DPP6: variants seen among roughly 807,000 people sequenced by gnomAD.
DPP6 encodes the protein dipeptidyl peptidase like 6.
Under a neutral mutation model 122.6 loss-of-function variants are expected in DPP6, and 69 were observed. The observed-to-expected ratio is 0.56, with a 90% CI of 0.46 to 0.69. DPP6 has a LOEUF of 0.69. DPP6 is among the 30% of genes least tolerant of loss of function. The probability of loss-of-function intolerance (pLI) is 0.00; values close to 1 mark genes in which losing one functional copy is unlikely to be tolerated. For synonymous variants in DPP6, 418 were observed against 433.1 expected, an observed-to-expected ratio of 0.97 and a Z score of 0.43; for missense variants, 928 against 1,116.9, an observed-to-expected ratio of 0.83 and a Z score of 2.41.
chr7:154,073,879 G>T (rs1373186461), intron 1 of DPP6, among the ~76,000 whole-genome samples: 1 of 151,484 alleles, frequency 6.6e-6, no homozygotes, highest in Non-Finnish European at 1.5e-5. Context: ...CCAGCTACTC[G>T]GGAGGCTGAG....
intron 1 of DPP6, among the ~76,000 whole-genome samples, chr7:154,085,363 C>G (rs1357547485): frequency 6.6e-6 from 1 of 152,182 alleles, no homozygotes; most frequent in Non-Finnish European, 1.5e-5. Flanking sequence ...CTCTTGTACT[C>G]AATTGGCCTT....
chr7:154,370,534 C>A (rs956641534), intron 1 of DPP6, among the ~76,000 whole-genome samples: 4 of 152,290 alleles, frequency 2.6e-5, no homozygotes, highest in African/African-American at 9.6e-5. Context: ...ATATTACAAT[C>A]TTTTCTAAAT....
intron 16 of DPP6, among the ~76,000 whole-genome samples, chr7:154,814,492 G>C (rs912999028): frequency 6.6e-6 from 1 of 152,140 alleles, no homozygotes; most frequent in African/African-American, 2.4e-5. Context: ...AGCTGTCTTA[G>C]ATGACTGGGG....
chr7:154,154,974 G>T (rs1443668486), intron 1 of DPP6, among the ~76,000 whole-genome samples: 1 of 152,146 alleles, frequency 6.6e-6, no homozygotes, highest in Non-Finnish European at 1.5e-5. Context: ...GAACCAAAAT[G>T]CTCAGGAGGT....
intron 1 of DPP6, among the ~76,000 whole-genome samples, chr7:154,014,003 G>C (rs927703874): frequency 6.6e-6 from 1 of 152,050 alleles, no homozygotes; most frequent in Non-Finnish European, 1.5e-5. Flanking sequence ...CTCTAATCAT[G>C]CTCTTCCCAG....
chr7:153,815,602 A>G, the DPP6 span, among the ~76,000 whole-genome samples: 1 of 151,064 alleles, frequency 6.6e-6, no homozygotes, highest in East Asian at 2.0e-4. Context: ...CTCTGACATG[A>G]AAATCCTGAA....
chr7:154,836,201 T>C (rs1019338910), intron 16 of DPP6, among the ~76,000 whole-genome samples: 1 of 152,260 alleles, frequency 6.6e-6, no homozygotes, highest in Admixed American at 6.5e-5. Flanking sequence ...GAAGCATCTC[T>C]GGTTCTGGAG....
intron 1 of DPP6, among the ~76,000 whole-genome samples, chr7:154,013,458 C>CT (rs776460630): frequency 0.041 from 5,182 of 127,302 alleles, 180 homozygotes; most frequent in African/African-American, 0.097. Flanking sequence ...GGTTTCTTTT[C>CT]TTTTTTTTTT....
At chr7:154,759,327 C>A (rs1353026580) in intron 8 of DPP6, among the ~76,000 whole-genome samples, 2 of 152,170 alleles carry the variant, frequency 1.3e-5, no homozygotes, top group South Asian at 2.1e-4. Flanking sequence ...CATCAGCAGG[C>A]AATTAACAGT....
At chr7:154,261,686 T>G (rs1423618522) in intron 1 of DPP6, among the ~76,000 whole-genome samples, 1 of 141,958 alleles carries the variant, frequency 7.0e-6, no homozygotes, top group Admixed American at 7.0e-5. Context: ...CTCAAACAAA[T>G]TAGCAAGAAA....
At chr7:153,930,733 G>A (rs1348259774) in intron 1 of DPP6, among the ~76,000 whole-genome samples, 1 of 152,176 alleles carries the variant, frequency 6.6e-6, no homozygotes, top group Non-Finnish European at 1.5e-5. Context: ...AAAAATCATG[G>A]AATAGACAGT....
chr7:154,350,820 G>C (rs1810789199), intron 1 of DPP6, among the ~76,000 whole-genome samples: 1 of 152,216 alleles, frequency 6.6e-6, no homozygotes, highest in Admixed American at 6.5e-5. Context: ...CCGCCTCTCT[G>C]AGGAGCTTTA....
intron 1 of DPP6, among the ~76,000 whole-genome samples, chr7:154,286,820 T>A (rs78673506): frequency 6.6e-6 from 1 of 151,390 alleles, no homozygotes; most frequent in African/African-American, 2.4e-5. Flanking sequence ...TTTTTTTTTT[T>A]CTTTTGAGAC....
intron 1 of DPP6, among the ~76,000 whole-genome samples, chr7:154,184,085 C>A (rs545126819): frequency 7.2e-5 from 11 of 152,194 alleles, no homozygotes; most frequent in Non-Finnish European, 1.3e-4. Context: ...GGATAGGAAG[C>A]CCTGCCCCTG....
chr7:154,349,062 G>T (rs777443830), intron 1 of DPP6, among the ~76,000 whole-genome samples: 22 of 152,202 alleles, frequency 1.4e-4, no homozygotes, highest in African/African-American at 2.7e-4. Flanking sequence ...GCACAGAGGG[G>T]TCCACAGCTG....
chr7:154,191,303 T>C (rs1798606149), intron 1 of DPP6, among the ~76,000 whole-genome samples: 1 of 152,250 alleles, frequency 6.6e-6, no homozygotes, highest in South Asian at 2.1e-4. Flanking sequence ...TGACATTGAA[T>C]ATGTAGAGAA....
chr7:154,798,222 ATGGGGGGCCG>A (rs1798158005), intron 12 of DPP6, among the ~76,000 whole-genome samples: 1 of 152,200 alleles, frequency 6.6e-6, no homozygotes, highest in Admixed American at 6.5e-5. Context: ...CTGGAGGCCC[ATGGGGGGCCG>A]TGGTTCTGTC....
intron 1 of DPP6, among the ~76,000 whole-genome samples, chr7:154,408,413 A>G (rs769021741): frequency 1.3e-5 from 2 of 152,078 alleles, no homozygotes; most frequent in Non-Finnish European, 2.9e-5. Context: ...AAATCCTACT[A>G]TCAGTTTTAT....
At position 154,241,700 on chromosome 7, in the gene DPP6, C is replaced by T. The variant is rs189976821; in HGVS notation, c.243+188637C>T. On this transcript the variant is annotated intron_variant, in intron 1 of 25. Coordinates refer to ENST00000377770, the MANE Select transcript of DPP6 (RefSeq NM_130797.4). This position sits in a 1 kb window ranked among gnomAD's most constrained non-coding sequence, Gnocchi z 9.0. ...ATATCATACAAACCGGCACTTATCA[C>T]ATCTTGAAATTTCCCGAAGCTAACA... Among the ~76,000 whole-genome samples, 3 of 152,290 alleles carry T rather than the reference C, an allele frequency of 2.0e-5. No individual in the cohort carries two copies. Among genetic ancestry groups the T allele is most frequent in the Admixed American group, 2.0e-4 (3 of 15,290 alleles).
Sources: allele counts gnomAD v4.1 joint callset (sites outside exome capture counted in the v4.1 genomes callset), GRCh38; gene constraint gnomAD v4.1.1; non-coding constraint Gnocchi (gnomAD v3.1); transcripts MANE v1.5; gene names NCBI Gene and HGNC (gene_info 2026-07-23, HGNC 2026-07-21).